CLEC4E: variants seen among roughly 807,000 people sequenced by gnomAD.
CLEC4E encodes C-type lectin domain family 4 member E.
Under a neutral mutation model 24.7 loss-of-function variants are expected in CLEC4E, and 21 were observed. The ratio of observed to expected loss-of-function variants is 0.85; its 90% CI spans 0.60 to 1.22. The LOEUF (loss-of-function observed/expected upper bound fraction) is 1.22, where lower values mean the gene tolerates loss of function less well. CLEC4E is among the 50% of genes most tolerant of loss of function. The probability of loss-of-function intolerance (pLI) is 0.00; values close to 1 mark genes in which losing one functional copy is unlikely to be tolerated. For missense variants in CLEC4E, 249 were observed against 254.1 expected (o/e 0.98, Z 0.14); for synonymous variants, 94 against 85.7 (o/e 1.10, Z -0.54).
chr12:8,533,552 T>C lies in CLEC4E; in HGVS notation c.*1086A>G, dbSNP rs1329917951. The C allele has an allele frequency of 6.6e-6, 1 of 152,182 alleles. No homozygotes were observed. The highest frequency in any genetic ancestry group is 2.4e-5 in the African/African-American group (1 of 41,442). The allele number at this position is 152,182 out of a possible 1,614,324, so 9.4% of individuals were successfully genotyped here. On this transcript the variant is annotated 3_prime_UTR_variant, in exon 6 of 6. Coordinates refer to ENST00000299663, the MANE Select transcript of CLEC4E (RefSeq NM_014358.4). Reference sequence around the variant, plus strand: ...GAAGATTATGTCTTTTGTGGGAACATCGGTAGAACTGGAGACCATTATCCT... The same window carrying C: ...GAAGATTATGTCTTTTGTGGGAACACCGGTAGAACTGGAGACCATTATCCT...
intron 1 of CLEC4E, 37 bp from the exon 2 acceptor site, chr12:8,539,984 C>CT: frequency 8.0e-7 from 1 of 1,251,444 alleles, no homozygotes; most frequent in Non-Finnish European, 1.2e-6. Context: ...TCAATCTTCC[C>CT]TAAGCAAGGT....
rs1940628993 is a variant in CLEC4E, at chr12:8,537,284, T to A, written c.221-18A>T. The A allele has an allele frequency of 1.9e-6, 3 of 1,608,990 alleles. No homozygotes were observed. The highest frequency in any genetic ancestry group is 2.6e-6 in the Non-Finnish European group (3 of 1,176,014). On this transcript the variant is annotated intron_variant, in intron 3 of 5. Coordinates refer to ENST00000299663, the MANE Select transcript of CLEC4E (RefSeq NM_014358.4). ...GACTGAACCTAGGATGAGAGATGTT[T>A]CAGTGAGTGTCCCAGGTGAACCGAA... is the stretch of plus-strand genomic sequence containing the variant.
At chr12:8,537,399 A>G in intron 3 of CLEC4E, 133 bp from the exon 4 acceptor site, 1 of 664,426 alleles carries the variant, frequency 1.5e-6, no homozygotes, top group South Asian at 2.7e-5. Context: ...ACATCTTAGT[A>G]TCTAAGACTT....
intron 3 of CLEC4E, 162 bp downstream of exon 3, chr12:8,539,055 T>G (rs1940659143): frequency 1.8e-6 from 1 of 556,352 alleles, no homozygotes; most frequent in African/African-American, 1.9e-5. Flanking sequence ...CCCAAGACTT[T>G]CTGCCCCAAT....
intron 3 of CLEC4E, 141 bp from the exon 4 acceptor site, chr12:8,537,407 C>G: frequency 1.1e-5 from 7 of 625,652 alleles, no homozygotes; most frequent in Non-Finnish European, 1.9e-5. Context: ...GTATCTAAGA[C>G]TTTAGATAAT....
rs374369327 is a variant in CLEC4E at position 8,536,041 on chromosome 12, G to C, written c.488+49C>G. The C allele has an allele frequency of 1.8e-4, 187 of 1,061,976 alleles. No homozygotes were observed. In the African/African-American group the frequency reaches 2.8e-3, roughly 16 times the overall value. 65.8% of individuals were successfully genotyped at this position (1,061,976 alleles called of 1,614,324 possible). A position where few individuals can be genotyped will look rare whatever the true frequency, so the allele number is the denominator to read the frequency against. On this transcript the variant is annotated intron_variant, in intron 5 of 5. Transcript: ENST00000299663. ...CCAATAATGGACCTGATCTATTGCA[G>C]GTAACAGAAGGAGGTTTCAAGAACT...
chr12:8,537,792 G>C (rs1940634973), intron 3 of CLEC4E, among the ~76,000 whole-genome samples: 1 of 152,214 alleles, frequency 6.6e-6, no homozygotes, highest in Admixed American at 6.5e-5. Context: ...ATAGATCTTA[G>C]ATATGATTAT....
At position 8,537,126 on chromosome 12, in the gene CLEC4E, G is replaced by A. The variant is rs1284849165; in HGVS notation, c.361C>T (p.Gln121Ter). Residue 121 changes from glutamine (Q) to a stop codon, truncating the protein, a stop_gained, in exon 4 of 6, where the codon CAG becomes TAG. Transcript: ENST00000299663. LOFTEE classifies it high-confidence loss of function. The stretch of plus-strand genomic sequence containing the variant: ...AGGACTCCAGCTACCTGCTCCTCCT[G>A]TGAGTTGATAACCACCAGGTGAGCC... ...MGAHLVVINSQEEQEFLSYKK... is the reference protein window; with the variant it reads ...MGAHLVVINS The A allele has an allele frequency of 6.2e-7, 1 of 1,612,744 alleles. No individual in the cohort carries two copies. Among genetic ancestry groups the A allele is most frequent in the Non-Finnish European group, 8.5e-7 (1 of 1,179,116 alleles).
At chr12:8,538,149 A>T (rs1356666772) in intron 3 of CLEC4E, among the ~76,000 whole-genome samples, 5 of 152,200 alleles carry the variant, frequency 3.3e-5, no homozygotes, top group African/African-American at 2.4e-5. Flanking sequence ...AGTTTAGAGA[A>T]GACTCTGCTC....
Position 8,540,836 on chromosome 12 carries a change from T to TCTCC in CLEC4E, c.-40_-39insGGAG, listed in dbSNP as rs397732948. On this transcript the variant is annotated 5_prime_UTR_variant, in exon 1 of 6. Transcript: ENST00000299663. The stretch of plus-strand genomic sequence containing the variant: ...TTGGTTTTTTGTTTCTCTCTCTCTC[T>TCTCC]TTTTCTCTCCCTCCCTCTCTTTCTT... The TCTCC allele has an allele frequency of 7.5e-7, 1 of 1,339,034 alleles. No individual in the cohort carries two copies. Among genetic ancestry groups the TCTCC allele is most frequent in the Non-Finnish European group, 1.1e-6 (1 of 930,224 alleles). The allele number at this position is 1,339,034 out of a possible 1,614,324, so 82.9% of individuals were successfully genotyped here. A position where few individuals can be genotyped will look rare whatever the true frequency, so the allele number is the denominator to read the frequency against.
chr12:8,535,105 G>A (rs1940594992), intron 5 of CLEC4E, among the ~76,000 whole-genome samples: 1 of 152,142 alleles, frequency 6.6e-6, no homozygotes, highest in Non-Finnish European at 1.5e-5. Context: ...AGAAGTTATG[G>A]GGAAGATTGA....
intron 5 of CLEC4E, 69 bp downstream of exon 5, chr12:8,536,021 A>G (rs1940607391): frequency 1.1e-6 from 1 of 886,234 alleles, no homozygotes; most frequent in South Asian, 1.4e-5. Flanking sequence ...CACCACCAAT[A>G]ATGGACCTGA....
chr12:8,536,635 T>C (rs921859751), intron 4 of CLEC4E, among the ~76,000 whole-genome samples: 8 of 152,208 alleles, frequency 5.3e-5, no homozygotes, highest in South Asian at 2.1e-4. Context: ...TACTGATTTT[T>C]TTTTGTGGTA....
chr12:8,534,793 C>T lies in CLEC4E; in HGVS notation c.505G>A (p.Glu169Lys). The change falls in exon 6 of 6, where the codon GAG (glutamate) becomes AAG (lysine). Residue 169 changes from glutamate (E) to lysine (K), a missense_variant. Glu to Lys is a moderately conservative substitution (Grantham distance 56). Transcript: ENST00000299663. ...TCCAGGGTAGCTATGTTGTTGGGCTCCCCTACATCCCAGAAGCTGAAAAAG... is the reference window on the plus strand; with the variant it reads ...TCCAGGGTAGCTATGTTGTTGGGCTTCCCTACATCCCAGAAGCTGAAAAAG... ...TKSLSFWDVG[E>K]PNNIATLEDC... The T allele has an allele frequency of 6.2e-7, 1 of 1,612,148 alleles. No individual in the cohort carries two copies.
intron 5 of CLEC4E, 55 bp from the exon 6 acceptor site, chr12:8,534,864 C>T: frequency 6.9e-7 from 1 of 1,442,806 alleles, no homozygotes; most frequent in African/African-American, 1.4e-5. Context: ...GGTAAAGTAA[C>T]CTAATATACT....
chr12:8,537,738 G>A (rs995815807), intron 3 of CLEC4E, among the ~76,000 whole-genome samples: 30 of 152,156 alleles, frequency 2.0e-4, no homozygotes, highest in East Asian at 1.7e-3. Flanking sequence ...GACACGAGCT[G>A]TTCCAGTATA....
Position 8,539,951 on chromosome 12 carries a change from T to C in CLEC4E, c.38-4A>G, listed in dbSNP as rs375495869. ...TGGGAAGAGAAGCATCCTCTCTCTGTAGAAAGAAAGACACAAACATGATCA... is the reference window on the plus strand; with the variant it reads ...TGGGAAGAGAAGCATCCTCTCTCTGCAGAAAGAAAGACACAAACATGATCA... On this transcript the variant is annotated splice_region_variant and splice_polypyrimidine_tract_variant and intron_variant, in intron 1 of 5. Transcript: ENST00000299663. 7 of 1,570,064 alleles carry C rather than the reference T, an allele frequency of 4.5e-6. No individual in the cohort carries two copies. In the African/African-American group the frequency reaches 8.1e-5, roughly 18 times the overall value.
In CLEC4E at chr12:8,534,658, T is replaced by A; in HGVS notation, c.640A>T (p.Asn214Tyr). ...TGTTCTTAAAGAGATTTTCCTTTGT[T>A]CAAAGGATTTATTCCTACCATTTCA... ...ICEMVGINPL[N>Y]KGKSL The change falls in exon 6 of 6, where the codon AAC becomes TAC. Residue 214 changes from asparagine to tyrosine, a missense_variant. By Grantham distance (143) the Asn-to-Tyr change is moderately radical. Transcript: ENST00000299663. The A allele has an allele frequency of 6.2e-7, 1 of 1,613,552 alleles. No individual in the cohort carries two copies. Among genetic ancestry groups the A allele is most frequent in the Non-Finnish European group, 8.5e-7 (1 of 1,179,678 alleles).
intron 3 of CLEC4E, among the ~76,000 whole-genome samples, chr12:8,537,814 A>G (rs958574804): frequency 6.6e-6 from 1 of 152,246 alleles, no homozygotes; most frequent in South Asian, 2.1e-4. Context: ...TATGAATATC[A>G]TTAATCATTA....
Sources: gnomAD v4.1 joint callset for allele counts (sites outside exome capture counted in the v4.1 genomes callset) on GRCh38, gnomAD v4.1.1 for gene constraint, MANE v1.5 for transcripts, NCBI Gene and HGNC (gene_info 2026-07-23, HGNC 2026-07-21) for gene names.